CFAP54: variants seen among roughly 807,000 people sequenced by gnomAD.
CFAP54 encodes cilia- and flagella-associated protein 54.
Under a neutral mutation model 370.4 loss-of-function variants are expected in CFAP54, and 290 were observed. The ratio of observed to expected loss-of-function variants is 0.78; its 90% CI spans 0.71 to 0.86. CFAP54 has a LOEUF of 0.86. Among genes scored for constraint, CFAP54 ranks in the 40% least tolerant of loss-of-function variants. CFAP54 has a pLI of 0.00. For synonymous variants in CFAP54, 1,206 were observed against 1,236.5 expected (o/e 0.98, Z 0.52); for missense variants, 3,399 against 3,528.7 (o/e 0.96, Z 0.93).
At chr12:96,833,566 A>G (rs1467321932) in intron 66 of CFAP54, among the ~76,000 whole-genome samples, 1 of 151,870 alleles carries the variant, frequency 6.6e-6, no homozygotes, top group Non-Finnish European at 1.5e-5. Context: ...CTAGAGTCAT[A>G]CAGAATCAGT....
intron 22 of CFAP54, among the ~76,000 whole-genome samples, chr12:96,581,691 C>T (rs1956034614): frequency 6.8e-6 from 1 of 146,536 alleles, no homozygotes; most frequent in South Asian, 2.2e-4. Context: ...TATATATATA[C>T]ATGCACACAC....
intron 19 of CFAP54, among the ~76,000 whole-genome samples, chr12:96,566,901 T>G (rs902141881): frequency 2.6e-5 from 4 of 152,216 alleles, no homozygotes; most frequent in Non-Finnish European, 5.9e-5. Flanking sequence ...CTTTTTGTGG[T>G]TCTGCCTTTG....
chr12:96,712,319 A>G (rs1207124404), intron 48 of CFAP54, among the ~76,000 whole-genome samples: 1 of 152,086 alleles, frequency 6.6e-6, no homozygotes. Flanking sequence ...TCATTTCCTC[A>G]CTGAAATAAG....
At chr12:96,584,346 C>T (rs1956056887) in intron 22 of CFAP54, among the ~76,000 whole-genome samples, 1 of 152,080 alleles carries the variant, frequency 6.6e-6, no homozygotes, top group Non-Finnish European at 1.5e-5. Context: ...CACCTGTAAT[C>T]CCAGCTACTT....
chr12:96,874,198 T>A (rs897295337), intron 67 of CFAP54, among the ~76,000 whole-genome samples: 4 of 152,098 alleles, frequency 2.6e-5, no homozygotes, highest in Non-Finnish European at 1.5e-5. Flanking sequence ...TTAAAATGGG[T>A]CCAGCTCCAA....
chr12:96,655,239 G>T (rs1956908744), intron 36 of CFAP54, among the ~76,000 whole-genome samples: 1 of 149,296 alleles, frequency 6.7e-6, no homozygotes, highest in Non-Finnish European at 1.5e-5. Context: ...GTTTCAAAAA[G>T]AAATGTCAAC....
At chr12:96,728,177 G>A (rs886338206) in intron 50 of CFAP54, among the ~76,000 whole-genome samples, 2 of 152,016 alleles carry the variant, frequency 1.3e-5, no homozygotes, top group East Asian at 1.9e-4. Context: ...TTCTCGAGGA[G>A]TATCTTTGTG....
intron 26 of CFAP54, among the ~76,000 whole-genome samples, chr12:96,600,043 G>T (rs1956222434): frequency 6.6e-6 from 1 of 152,158 alleles, no homozygotes; most frequent in African/African-American, 2.4e-5. Context: ...TGTTGCCATT[G>T]CTTTTGGTGT....
chr12:96,753,946 T>C, intron 56 of CFAP54, 48 bp downstream of exon 56: 1 of 1,573,426 alleles, frequency 6.4e-7, no homozygotes. Flanking sequence ...ATGGAATTCT[T>C]TTTTCTGTCA....
chr12:96,657,966 G>C lies in CFAP54; in HGVS notation c.5185G>C (p.Glu1729Gln), dbSNP rs186002124. The change falls in exon 37 of 68, where the codon GAG becomes CAG. Residue 1729 changes from glutamate (E) to glutamine (Q), a missense_variant. Transcript: ENST00000524981. ...CAACGGTGGTTCTAGTCTTACCTTT[G>C]AGCATCCTTTGGATGATGTAAATGT... is the stretch of plus-strand genomic sequence containing the variant. The part of the protein sequence containing the change: ...NDNGGSSLTF[E>Q]HPLDDVNVVD... The C allele has an allele frequency of 1.2e-6, 2 of 1,613,374 alleles. No homozygotes were observed. The highest frequency in any genetic ancestry group is 4.5e-5 in the East Asian group (2 of 44,820).
rs578026461 is a variant in CFAP54 at position 96,746,747 on chromosome 12, G to A, written c.7684+2601G>A. ...ACTGTGACTGCACGTGATGCATGCG[G>A]TGCTGCATGCTTTACACCTTTGCAC... On this transcript the variant is annotated intron_variant, in intron 55 of 67. Coordinates refer to ENST00000524981, the MANE Select transcript of CFAP54 (RefSeq NM_001306084.2). 5.9e-5 allele frequency among the ~76,000 whole-genome samples: 9 copies of A among 152,238 alleles called. No homozygotes were observed. The South Asian group carries it at 1.5e-3, about 25-fold the overall frequency.
chr12:96,607,770 G>C (rs562281415), intron 26 of CFAP54, among the ~76,000 whole-genome samples: 1 of 151,650 alleles, frequency 6.6e-6, no homozygotes, highest in African/African-American at 2.4e-5. Flanking sequence ...ATTTGCAATG[G>C]AAAGAGAATC....
intron 25 of CFAP54, among the ~76,000 whole-genome samples, chr12:96,597,657 C>G (rs768298875): frequency 1.3e-5 from 2 of 151,646 alleles, no homozygotes; most frequent in Non-Finnish European, 2.9e-5. Context: ...TGTAGACTTA[C>G]AGCATTTCTC....
At chr12:96,755,401 C>T (rs1275067853) in intron 56 of CFAP54, among the ~76,000 whole-genome samples, 1 of 152,012 alleles carries the variant, frequency 6.6e-6, no homozygotes, top group Non-Finnish European at 1.5e-5. Flanking sequence ...CCATGTTGTA[C>T]AATAGGTCTC....
At chr12:96,605,560 A>T (rs1445939802) in intron 26 of CFAP54, among the ~76,000 whole-genome samples, 1 of 152,226 alleles carries the variant, frequency 6.6e-6, no homozygotes, top group African/African-American at 2.4e-5. Context: ...ACGAGAAGAC[A>T]TAGGCAAGAG....
chr12:96,492,513 G>T (rs553489988), intron 1 of CFAP54, among the ~76,000 whole-genome samples: 1 of 152,174 alleles, frequency 6.6e-6, no homozygotes, highest in African/African-American at 2.4e-5. Flanking sequence ...ATCGAATGCA[G>T]ATTCACTCAT....
chr12:96,526,484 T>G (rs748346018), intron 8 of CFAP54, among the ~76,000 whole-genome samples: 27 of 152,234 alleles, frequency 1.8e-4, no homozygotes, highest in Admixed American at 7.2e-4. Context: ...GAGAATATCC[T>G]GTGGTGCTTA....
chr12:96,592,422 A>G (rs914252988), intron 23 of CFAP54, 68 bp from the exon 24 acceptor site: 3 of 389,178 alleles, frequency 7.7e-6, no homozygotes, highest in South Asian at 7.8e-5. Flanking sequence ...GAACAAATCA[A>G]TGTAAAAAGA....
intron 42 of CFAP54, among the ~76,000 whole-genome samples, chr12:96,687,277 T>C (rs1201867419): frequency 6.6e-6 from 1 of 152,204 alleles, no homozygotes; most frequent in Non-Finnish European, 1.5e-5. Context: ...TGTTGCCCTG[T>C]AAGGTCACAT....
Sources: gnomAD v4.1 joint callset for allele counts (sites outside exome capture counted in the v4.1 genomes callset) on GRCh38, gnomAD v4.1.1 for gene constraint, MANE v1.5 for transcripts, NCBI Gene and HGNC (gene_info 2026-07-23, HGNC 2026-07-21) for gene names.